Variants in PCSK6 observed in about 807,000 individuals in gnomAD.
The protein encoded by PCSK6 is proprotein convertase subtilisin/kexin type 6.
In PCSK6, 85 loss-of-function variants were observed where a neutral mutation model predicts 123.3. That is an observed-to-expected ratio of 0.69 (90% confidence interval 0.58 to 0.83). The LOEUF (loss-of-function observed/expected upper bound fraction) is 0.83, where lower values mean the gene tolerates loss of function less well. Among genes scored for constraint, PCSK6 ranks in the 40% least tolerant of loss-of-function variants. The pLI, the probability that PCSK6 is intolerant of heterozygous loss-of-function variation, is 0.00. For missense variants in PCSK6, 1,191 were observed against 1,282.3 expected (o/e 0.93, Z 1.09); for synonymous variants, 508 against 516.0 (o/e 0.98, Z 0.21).
At chr15:101,311,086 T>G (rs2039849283) in intron 20 of PCSK6, among the ~76,000 whole-genome samples, 1 of 151,950 alleles carries the variant, frequency 6.6e-6, no homozygotes, top group African/African-American at 2.4e-5. Context: ...TGAGAGCTGC[T>G]TGTTTAAAGG....
intron 11 of PCSK6, 42 bp from the exon 12 acceptor site, chr15:101,370,565 T>A (rs1440736059): frequency 7.1e-7 from 1 of 1,402,566 alleles, no homozygotes; most frequent in Non-Finnish European, 9.3e-7. Context: ...ACCGGAAGCA[T>A]GAAGTCTCAC....
intron 1 of PCSK6, among the ~76,000 whole-genome samples, chr15:101,469,698 G>A (rs1227185750): frequency 6.6e-6 from 1 of 152,216 alleles, no homozygotes; most frequent in Non-Finnish European, 1.5e-5. Flanking sequence ...ACGGTGTGCA[G>A]GCTGGAAATG....
At chr15:101,320,404 C>T (rs934033137) in intron 18 of PCSK6, among the ~76,000 whole-genome samples, 1 of 152,280 alleles carries the variant, frequency 6.6e-6, no homozygotes, top group East Asian at 1.9e-4. Context: ...ATATTTATTA[C>T]GTATATCTTA....
chr15:101,382,168 G>C lies in PCSK6; in HGVS notation c.1456C>G (p.Leu486Val). The part of the protein sequence containing the change: ...YGFGLVDAEA[L>V]VVEAKKWTAV... ...GTCCACTTCTTTGCCTCCACAACGA[G>C]AGCTTCTGCGTCCACCAAACCAAAT... The change falls in exon 11 of 22, where the codon CTC becomes GTC. Residue 486 changes from leucine to valine, a missense_variant. Around this residue, in one of 3 missense-constraint regions of PCSK6, gnomAD observed 630 missense variants for 631.4 expected, o/e 1.00. Coordinates refer to ENST00000611716, the MANE Select transcript of PCSK6 (RefSeq NM_002570.5). 1 of 1,613,066 alleles carries C rather than the reference G, an allele frequency of 6.2e-7. No individual in the cohort carries two copies. Among genetic ancestry groups the C allele is most frequent in the Non-Finnish European group, 8.5e-7 (1 of 1,179,626 alleles).
At chr15:101,382,265 A>G in intron 10 of PCSK6, 56 bp from the exon 11 acceptor site, 1 of 1,362,044 alleles carries the variant, frequency 7.3e-7, no homozygotes. Flanking sequence ...GGAAGGGAGC[A>G]AGGCTGGCTC....
intron 1 of PCSK6, among the ~76,000 whole-genome samples, chr15:101,448,064 A>C (rs975854747): frequency 6.6e-6 from 1 of 152,254 alleles, no homozygotes; most frequent in African/African-American, 2.4e-5. Context: ...TTGTCTTTGT[A>C]ATGTCATAAC....
chr15:101,476,153 C>T (rs1462292322), intron 1 of PCSK6, among the ~76,000 whole-genome samples: 1 of 152,194 alleles, frequency 6.6e-6, no homozygotes, highest in Non-Finnish European at 1.5e-5. Flanking sequence ...GTAATAATAA[C>T]ACCTACCCCA....
intron 11 of PCSK6, among the ~76,000 whole-genome samples, chr15:101,381,656 G>A (rs1250260181): frequency 6.6e-6 from 1 of 152,226 alleles, no homozygotes; most frequent in Non-Finnish European, 1.5e-5. Flanking sequence ...TCACACTGCA[G>A]ACTCCCAGGG....
chr15:101,355,231 A>G (rs1214302746), intron 13 of PCSK6, among the ~76,000 whole-genome samples: 1 of 152,254 alleles, frequency 6.6e-6, no homozygotes, highest in African/African-American at 2.4e-5. Context: ...TTAAAGTGCC[A>G]TCAATTGTCT....
intron 6 of PCSK6, among the ~76,000 whole-genome samples, chr15:101,407,137 A>G (rs1167124519): frequency 6.6e-6 from 1 of 152,096 alleles, no homozygotes; most frequent in Admixed American, 6.6e-5. Context: ...CAAGATACAG[A>G]GCAGCTCATG....
At chr15:101,401,155 C>A (rs2042573288) in intron 6 of PCSK6, among the ~76,000 whole-genome samples, 1 of 152,188 alleles carries the variant, frequency 6.6e-6, no homozygotes, top group Non-Finnish European at 1.5e-5. Context: ...AAATTTACAC[C>A]AAGGCAATAG....
intron 6 of PCSK6, among the ~76,000 whole-genome samples, chr15:101,403,445 A>AG (rs1381653932): frequency 6.6e-5 from 10 of 150,458 alleles, no homozygotes; most frequent in East Asian, 3.9e-4. Flanking sequence ...AAAGAGAGAG[A>AG]AAAAAAAATG....
At chr15:101,344,085 A>G (rs1275489710) in intron 13 of PCSK6, among the ~76,000 whole-genome samples, 1 of 151,792 alleles carries the variant, frequency 6.6e-6, no homozygotes, top group Non-Finnish European at 1.5e-5. Flanking sequence ...CAAAAAAAAA[A>G]ATAAATAAAT....
chr15:101,384,288 C>A, intron 10 of PCSK6, 34 bp downstream of exon 10: 2 of 1,607,678 alleles, frequency 1.2e-6, no homozygotes, highest in Non-Finnish European at 1.7e-6. Context: ...ATTCCAGGGC[C>A]ACCCAATGGT....
rs1404871858 is a variant in PCSK6, at chr15:101,398,859, G to GT, written c.824-284dup. 6.6e-6 allele frequency among the ~76,000 whole-genome samples: 1 copy of GT among 151,710 alleles called. No homozygotes were observed. The highest frequency in any genetic ancestry group is 1.5e-5 in the Non-Finnish European group (1 of 67,980). On this transcript the variant is annotated intron_variant, in intron 6 of 21. Coordinates refer to ENST00000611716, the MANE Select transcript of PCSK6 (RefSeq NM_002570.5). This position sits in a 1 kb window ranked among gnomAD's most constrained non-coding sequence, Gnocchi z 4.6. Reference sequence around the variant, plus strand: ...CTGGTATCTAAAAATGCATATTTCTGTTTTTTATTTTAAAAAACAAGACCT... The same window carrying GT: ...CTGGTATCTAAAAATGCATATTTCTGTTTTTTTATTTTAAAAAACAAGACCT...
intron 18 of PCSK6, among the ~76,000 whole-genome samples, chr15:101,322,035 A>C (rs920235349): frequency 6.6e-6 from 1 of 152,266 alleles, no homozygotes. Context: ...AAGAAAATGC[A>C]TGCTGAGCTT....
At chr15:101,366,794 GCTCA>G (rs1368689472) in intron 12 of PCSK6, among the ~76,000 whole-genome samples, 6 of 152,200 alleles carry the variant, frequency 3.9e-5, no homozygotes, top group Admixed American at 1.3e-4. Flanking sequence ...CCCAGAGAGT[GCTCA>G]CTAAGGACGC....
intron 1 of PCSK6, among the ~76,000 whole-genome samples, chr15:101,454,213 G>T (rs1163370308): frequency 6.6e-6 from 1 of 152,146 alleles, no homozygotes; most frequent in Non-Finnish European, 1.5e-5. Flanking sequence ...TTATCCCAAG[G>T]GAAATCAAAA....
chr15:101,362,102 G>A (rs902468977), intron 13 of PCSK6, among the ~76,000 whole-genome samples: 3 of 151,876 alleles, frequency 2.0e-5, no homozygotes, highest in African/African-American at 7.3e-5. Context: ...GACTACAGGT[G>A]CCCGCCACCA....
Sources: gnomAD v4.1 joint callset for allele counts (sites outside exome capture counted in the v4.1 genomes callset) on GRCh38, gnomAD v4.1.1 for gene constraint, gnomAD v4.1.1 regional missense constraint, Gnocchi (gnomAD v3.1) non-coding constraint, MANE v1.5 for transcripts, NCBI Gene and HGNC (gene_info 2026-07-23, HGNC 2026-07-21) for gene names.